The following TAFA2 variants were observed in gnomAD, a reference collection of about 807,000 sequenced individuals.
TAFA2 encodes chemokine-like protein TAFA-2.
A neutral mutation model predicts 18.8 loss-of-function variants in TAFA2; 7 were observed. That is an observed-to-expected ratio of 0.37 (90% confidence interval 0.21 to 0.70). The LOEUF is 0.70. Among genes scored for constraint, TAFA2 ranks in the 30% least tolerant of loss-of-function variants. The pLI is 0.53. For synonymous variants in TAFA2, 60 were observed against 54.2 expected (o/e 1.11, Z -0.47); for missense variants, 122 against 158.1 (o/e 0.77, Z 1.23).
intron 1 of TAFA2, among the ~76,000 whole-genome samples, chr12:61,882,684 G>T (rs1398941326): frequency 6.6e-6 from 1 of 152,012 alleles, no homozygotes; most frequent in African/African-American, 2.4e-5. Flanking sequence ...TTTCCAGAAA[G>T]CACCTTAAAA....
chr12:61,905,444 T>A (rs1288255544), intron 1 of TAFA2, among the ~76,000 whole-genome samples: 2 of 152,194 alleles, frequency 1.3e-5, no homozygotes, highest in African/African-American at 4.8e-5. Context: ...GGATTCAAAT[T>A]AAATAAAATA....
At chr12:62,127,020 T>G (rs1327637433) in intron 1 of TAFA2, among the ~76,000 whole-genome samples, 1 of 152,100 alleles carries the variant, frequency 6.6e-6, no homozygotes, top group Admixed American at 6.6e-5. Context: ...CACATTTGAA[T>G]TAAACATCAC....
chr12:62,186,090 A>C (rs1423380772), intron 1 of TAFA2, among the ~76,000 whole-genome samples: 4 of 152,258 alleles, frequency 2.6e-5, no homozygotes, highest in Non-Finnish European at 4.4e-5. Context: ...ACTATAATTT[A>C]TTTTCAAAGA....
At chr12:61,738,322 CA>C (rs1868342589) in intron 4 of TAFA2, among the ~76,000 whole-genome samples, 2 of 147,324 alleles carry the variant, frequency 1.4e-5, no homozygotes, top group Non-Finnish European at 1.5e-5. Flanking sequence ...CACACACACA[CA>C]CACACAAACC....
rs182879694 is a variant in TAFA2, at chr12:61,758,980, C to T, written c.107-3956G>A. On this transcript the variant is annotated intron_variant, in intron 2 of 4. Coordinates refer to ENST00000416284, the MANE Select transcript of TAFA2 (RefSeq NM_178539.5). Reference sequence around the variant, plus strand: ...GGAGAACATTATGGTGGCTAGGGCTCTGTTCTCTTTCATGGTCCTATAACA... The same window carrying T: ...GGAGAACATTATGGTGGCTAGGGCTTTGTTCTCTTTCATGGTCCTATAACA... 5.3e-5 allele frequency among the ~76,000 whole-genome samples: 8 copies of T among 152,074 alleles called. No homozygotes were observed. In the East Asian group the frequency reaches 1.6e-3, roughly 30 times the overall value.
intron 1 of TAFA2, among the ~76,000 whole-genome samples, chr12:62,232,632 C>A (rs2062816639): frequency 6.6e-6 from 1 of 152,096 alleles, no homozygotes; most frequent in African/African-American, 2.4e-5. Flanking sequence ...CCATCTCAGC[C>A]CCCCGAGTAG....
chr12:62,194,330 C>CACAAA (rs1555197318), upstream of TAFA2, among the ~76,000 whole-genome samples: 13 of 151,532 alleles, frequency 8.6e-5, no homozygotes, highest in Non-Finnish European at 1.9e-4. Context: ...CACACACATA[C>CACAAA]AAAAAAACAT....
intron 2 of TAFA2, among the ~76,000 whole-genome samples, chr12:61,773,358 C>G (rs1403311387): frequency 6.6e-6 from 1 of 151,674 alleles, no homozygotes; most frequent in Non-Finnish European, 1.5e-5. Flanking sequence ...AAAAACAATC[C>G]TAAAATTCAT....
intron 1 of TAFA2, chr12:62,242,484 G>T: frequency 1.3e-5 from 2 of 153,054 alleles, no homozygotes; most frequent in South Asian, 3.7e-4. Context: ...ACCCATGCTG[G>T]ACCACCACAC....
intron 1 of TAFA2, among the ~76,000 whole-genome samples, chr12:62,061,203 A>T (rs1022709407): frequency 6.6e-6 from 1 of 152,216 alleles, no homozygotes; most frequent in Non-Finnish European, 1.5e-5. Context: ...ACTCACCCAG[A>T]GCAACTTCCA....
Position 61,709,430 on chromosome 12 carries a change from T to C in TAFA2, c.*976A>G, listed in dbSNP as rs1869291963. 1 of 151,998 alleles carries C rather than the reference T, an allele frequency of 6.6e-6. No homozygotes were observed. The highest frequency in any genetic ancestry group is 1.5e-5 in the Non-Finnish European group (1 of 67,954). 9.4% of individuals were successfully genotyped at this position (151,998 alleles called of 1,614,324 possible). A position where few individuals can be genotyped will look rare whatever the true frequency, so the allele number is the denominator to read the frequency against. ...CAAAAGAAAGTCTTTTAAAATGAGA[T>C]AGGACAGTTTTTTAAAAAATACTGG... On this transcript the variant is annotated 3_prime_UTR_variant, in exon 5 of 5. Coordinates refer to ENST00000416284, the MANE Select transcript of TAFA2 (RefSeq NM_178539.5).
intron 2 of TAFA2, among the ~76,000 whole-genome samples, chr12:61,815,982 TA>T (rs888024861): frequency 6.6e-6 from 1 of 150,780 alleles, no homozygotes; most frequent in Non-Finnish European, 1.5e-5. Flanking sequence ...ATAGGGAAAA[TA>T]AAAAAAAGAT....
chr12:61,857,424 G>A (rs1400190854), intron 2 of TAFA2, among the ~76,000 whole-genome samples: 1 of 151,968 alleles, frequency 6.6e-6, no homozygotes, highest in Non-Finnish European at 1.5e-5. Flanking sequence ...TGGTGAGAGG[G>A]GAAGCTTTAT....
intron 1 of TAFA2, among the ~76,000 whole-genome samples, chr12:62,098,906 C>T (rs1869065672): frequency 6.6e-6 from 1 of 152,060 alleles, no homozygotes; most frequent in South Asian, 2.1e-4. Context: ...AAATTAAAGC[C>T]TAATTAGACA....
chr12:61,861,274 T>C (rs529122928), intron 2 of TAFA2, among the ~76,000 whole-genome samples: 1 of 150,998 alleles, frequency 6.6e-6, no homozygotes, highest in South Asian at 2.1e-4. Context: ...TTTTTTTTTT[T>C]TTTAAGAGAA....
intron 1 of TAFA2, among the ~76,000 whole-genome samples, chr12:62,213,672 G>A (rs2062722888): frequency 6.6e-6 from 1 of 150,766 alleles, no homozygotes; most frequent in Non-Finnish European, 1.5e-5. Context: ...GTTGCCATTA[G>A]GTACTCCTGT....
intron 1 of TAFA2, among the ~76,000 whole-genome samples, chr12:61,982,215 C>T (rs1879657826): frequency 6.6e-6 from 1 of 152,102 alleles, no homozygotes; most frequent in South Asian, 2.1e-4. Context: ...CTCATGTTCT[C>T]ACTCATAGGT....
intron 2 of TAFA2, among the ~76,000 whole-genome samples, chr12:61,846,791 T>C (rs1409368156): frequency 1.3e-5 from 2 of 152,158 alleles, no homozygotes; most frequent in African/African-American, 4.8e-5. Context: ...GTATTTAATT[T>C]CCTCTACCAA....
At chr12:61,750,827 A>C (rs1868977377) in intron 4 of TAFA2, among the ~76,000 whole-genome samples, 1 of 152,096 alleles carries the variant, frequency 6.6e-6, no homozygotes, top group Non-Finnish European at 1.5e-5. Context: ...TAAGACCAAC[A>C]TATCTTGCAT....
Sources: allele counts gnomAD v4.1 joint callset (sites outside exome capture counted in the v4.1 genomes callset), GRCh38; gene constraint gnomAD v4.1.1; transcripts MANE v1.5; gene names NCBI Gene and HGNC (gene_info 2026-07-23, HGNC 2026-07-21).